The following KAZN variants were observed in gnomAD, a reference collection of about 807,000 sequenced individuals.
The protein encoded by KAZN is kazrin.
A neutral mutation model predicts 87.4 loss-of-function variants in KAZN; 40 were observed. The ratio of observed to expected loss-of-function variants is 0.46; its 90% CI spans 0.36 to 0.60. The LOEUF is 0.60. Ranked by LOEUF, KAZN falls within the 20% of genes least tolerant of loss-of-function variation. The pLI, the probability that KAZN is intolerant of heterozygous loss-of-function variation, is 0.00. For missense variants in KAZN, 898 were observed against 1,073.9 expected (o/e 0.84, Z 2.29); for synonymous variants, 466 against 458.3 (o/e 1.02, Z -0.22).
At chr1:14,908,409 G>A (rs551265252) in intron 1 of KAZN, among the ~76,000 whole-genome samples, 6 of 152,248 alleles carry the variant, frequency 3.9e-5, no homozygotes, top group African/African-American at 1.2e-4. Flanking sequence ...GGCAGTAGTG[G>A]CAGGGGCCTG....
At chr1:15,032,254 G>A (rs1158475865) in intron 2 of KAZN, among the ~76,000 whole-genome samples, 4 of 141,734 alleles carry the variant, frequency 2.8e-5, no homozygotes, top group South Asian at 2.2e-4. Context: ...GTGCAGTGGC[G>A]CGATCTTGGC....
At chr1:14,432,985 G>A (rs2101394535) in intron 2 of KAZN, among the ~76,000 whole-genome samples, 1 of 151,868 alleles carries the variant, frequency 6.6e-6, no homozygotes, top group African/African-American at 2.4e-5. Context: ...TATATGTATA[G>A]TTGTACATAT....
chr1:14,922,486 A>G lies in KAZN; in HGVS notation c.227-38198A>G, dbSNP rs576361292. ...AGTGGTGTGGGTACTTTTCTTCCAC[A>G]GCTGGGAGCACCCAGCACTTCCCAT... On this transcript the variant is annotated intron_variant, in intron 1 of 14. Coordinates refer to ENST00000376030, the MANE Select transcript of KAZN (RefSeq NM_201628.3). Among the ~76,000 whole-genome samples, 10 of 152,230 alleles carry G rather than the reference A, an allele frequency of 6.6e-5. No individual in the cohort carries two copies. In the South Asian group the frequency reaches 2.1e-3, roughly 32 times the overall value.
At chr1:14,417,010 G>T (rs971347239) in intron 2 of KAZN, among the ~76,000 whole-genome samples, 1 of 51,674 alleles carries the variant, frequency 1.9e-5, no homozygotes, top group East Asian at 7.4e-4. Flanking sequence ...GTATATATAT[G>T]TACACACACA....
At chr1:14,552,395 A>AGGAG (rs1673591427) in intron 2 of KAZN, among the ~76,000 whole-genome samples, 1 of 152,178 alleles carries the variant, frequency 6.6e-6, no homozygotes, top group Non-Finnish European at 1.5e-5. Context: ...GCTGCCTCCC[A>AGGAG]GGCCCAGATC....
chr1:15,097,312 A>T (rs920347238), intron 10 of KAZN, among the ~76,000 whole-genome samples: 1 of 151,870 alleles, frequency 6.6e-6, no homozygotes, highest in African/African-American at 2.4e-5. Context: ...GGGGGTAAGA[A>T]CTCTAAATGA....
chr1:14,532,579 A>G (rs1424092352), intron 2 of KAZN, among the ~76,000 whole-genome samples: 2 of 148,314 alleles, frequency 1.3e-5, no homozygotes, highest in Non-Finnish European at 3.0e-5. Context: ...TTAACTGGTC[A>G]TTTAGCATTA....
chr1:14,366,018 A>T (rs1323424483), intron 2 of KAZN, among the ~76,000 whole-genome samples: 1 of 152,224 alleles, frequency 6.6e-6, no homozygotes, highest in East Asian at 1.9e-4. Flanking sequence ...TAAAATGTAA[A>T]TTGCTTGGAA....
chr1:14,105,267 A>C (rs1644343281), intron 1 of KAZN, among the ~76,000 whole-genome samples: 1 of 152,218 alleles, frequency 6.6e-6, no homozygotes, highest in South Asian at 2.1e-4. Context: ...GTGTATAACA[A>C]AAAGAACCAA....
At chr1:14,394,517 TA>T (rs1662728924) in intron 2 of KAZN, among the ~76,000 whole-genome samples, 1 of 152,202 alleles carries the variant, frequency 6.6e-6, no homozygotes, top group East Asian at 1.9e-4. Context: ...ATCATTTTTA[TA>T]ATCTAAAGCC....
intron 2 of KAZN, among the ~76,000 whole-genome samples, chr1:14,303,747 C>G (rs1654726376): frequency 6.6e-6 from 1 of 152,224 alleles, no homozygotes; most frequent in South Asian, 2.1e-4. Flanking sequence ...TACCTTATCT[C>G]TCATGGCATA....
chr1:15,075,524 A>C (rs963278897), intron 8 of KAZN, among the ~76,000 whole-genome samples: 1 of 152,116 alleles, frequency 6.6e-6, no homozygotes, highest in Non-Finnish European at 1.5e-5. Context: ...CGGGCCCTTC[A>C]GCTCCACTAT....
intron 2 of KAZN, among the ~76,000 whole-genome samples, chr1:14,190,417 A>G (rs1164594650): frequency 7.9e-5 from 12 of 152,128 alleles, no homozygotes; most frequent in Admixed American, 7.9e-4. Flanking sequence ...CCCAAAGAGG[A>G]AATTTATTTA....
chr1:14,849,938 CTTT>C (rs574691073), intron 1 of KAZN, among the ~76,000 whole-genome samples: 1 of 143,294 alleles, frequency 7.0e-6, no homozygotes, highest in Non-Finnish European at 1.5e-5. Context: ...TCTACCCCCC[CTTT>C]TTTTTTTTTT....
chr1:14,226,322 A>G (rs996952897), intron 2 of KAZN, among the ~76,000 whole-genome samples: 1 of 152,160 alleles, frequency 6.6e-6, no homozygotes, highest in Non-Finnish European at 1.5e-5. Flanking sequence ...CAATATCACT[A>G]ATCATTAGAG....
chr1:14,293,769 G>A (rs1244764813), intron 2 of KAZN, among the ~76,000 whole-genome samples: 2 of 151,994 alleles, frequency 1.3e-5, no homozygotes, highest in African/African-American at 4.8e-5. Context: ...TGCAACAGCT[G>A]CTATTAGCAA....
At chr1:14,159,256 CA>C (rs1645660465) in intron 1 of KAZN, among the ~76,000 whole-genome samples, 1 of 152,288 alleles carries the variant, frequency 6.6e-6, no homozygotes, top group African/African-American at 2.4e-5. Flanking sequence ...GGATGACAGT[CA>C]AAAACCTTAG....
At chr1:13,894,193 C>G (rs1638946955) in intron 1 of KAZN, among the ~76,000 whole-genome samples, 1 of 152,118 alleles carries the variant, frequency 6.6e-6, no homozygotes, top group Non-Finnish European at 1.5e-5. Flanking sequence ...CCCCCCAGCC[C>G]CTGCTGGAGT....
At chr1:14,799,058 T>C (rs1239720796) in intron 1 of KAZN, among the ~76,000 whole-genome samples, 1 of 152,210 alleles carries the variant, frequency 6.6e-6, no homozygotes, top group African/African-American at 2.4e-5. Context: ...ATTACAGGCA[T>C]GATGAGCCAC....
Sources: allele counts gnomAD v4.1 joint callset (sites outside exome capture counted in the v4.1 genomes callset), GRCh38; gene constraint gnomAD v4.1.1; transcripts MANE v1.5; gene names NCBI Gene and HGNC (gene_info 2026-07-23, HGNC 2026-07-21).